Variants in AARS1 observed in about 807,000 individuals in gnomAD.
AARS1 encodes the protein alanyl-tRNA synthetase 1.
Under a neutral mutation model 108.9 loss-of-function variants are expected in AARS1, and 72 were observed. The ratio of observed to expected loss-of-function variants is 0.66; its 90% CI spans 0.55 to 0.80. The LOEUF (loss-of-function observed/expected upper bound fraction) is 0.80. AARS1 is among the 30% of genes least tolerant of loss of function. AARS1 has a pLI of 0.00. For missense variants in AARS1, 1,193 were observed against 1,233.2 expected, an observed-to-expected ratio of 0.97 and a Z score of 0.49; for synonymous variants, 489 against 465.7, an observed-to-expected ratio of 1.05 and a Z score of -0.64.
At position 70,268,340 on chromosome 16, in the gene AARS1, G is replaced by A. The variant is rs753317193; in HGVS notation, c.1002C>T (p.Tyr334=). The change falls in exon 8 of 21, where the codon TAC becomes TAT. Residue 334 remains tyrosine (Y), a synonymous_variant. Coordinates refer to ENST00000261772, the MANE Select transcript of AARS1 (RefSeq NM_001605.3). ...LRRILRRAVR[Y]AHEKLNASRG... is the part of the protein sequence containing the mutation. ...TGCTGGCATTGAGCTTTTCATGGGC[G>A]TATCGGACAGCTCGGCGGAGAATCC... 1.1e-5 allele frequency: 17 copies of A among 1,614,014 alleles called. No homozygotes were observed. The highest frequency in any genetic ancestry group is 4.5e-5 in the East Asian group (2 of 44,880).
chr16:70,278,100 T>C (rs1960594935), intron 2 of AARS1, among the ~76,000 whole-genome samples: 1 of 151,934 alleles, frequency 6.6e-6, no homozygotes, highest in Non-Finnish European at 1.5e-5. Flanking sequence ...AAAATTAGGC[T>C]GGGCAAGGTG....
Position 70,253,256 on chromosome 16 carries a change from G to C in AARS1, c.2721+12C>G. The C allele has an allele frequency of 6.3e-7, 1 of 1,590,286 alleles. No homozygotes were observed. The highest frequency in any genetic ancestry group is 1.3e-5 in the African/African-American group (1 of 74,450). The stretch of plus-strand genomic sequence containing the variant: ...GACCTAACACTTCCCACTGGTGCGA[G>C]GTGGTGCTGACCTGGGGAACTTGAC... On this transcript the variant is annotated intron_variant, in intron 20 of 20. Transcript: ENST00000261772.
At chr16:70,267,419 G>A (rs565220507) in intron 9 of AARS1, among the ~76,000 whole-genome samples, 10 of 152,294 alleles carry the variant, frequency 6.6e-5, no homozygotes, top group African/African-American at 2.2e-4. Flanking sequence ...AATGAGTGTG[G>A]AAAAGAGGAT....
chr16:70,274,442 A>G (rs1038653400), intron 4 of AARS1, among the ~76,000 whole-genome samples: 11 of 151,226 alleles, frequency 7.3e-5, no homozygotes, highest in Admixed American at 4.0e-4. Context: ...AAAGACAGAC[A>G]TGGCTGGGCA....
chr16:70,284,330 C>T (rs967002432), intron 1 of AARS1, among the ~76,000 whole-genome samples: 9 of 148,206 alleles, frequency 6.1e-5, no homozygotes, highest in African/African-American at 2.3e-4. Context: ...TGGCCGGGCG[C>T]GGTGGCTCAC....
chr16:70,286,008 A>G (rs905084914), intron 1 of AARS1, among the ~76,000 whole-genome samples: 1 of 152,214 alleles, frequency 6.6e-6, no homozygotes, highest in African/African-American at 2.4e-5. Context: ...CCAAGAATCA[A>G]AATGAATGAC....
rs769538984 is a variant in AARS1, at chr16:70,273,638, C to T, written c.480-1666G>A. Among the ~76,000 whole-genome samples the T allele has an allele frequency of 9.2e-5, 14 of 151,366 alleles. 1 individual carries two copies. Among genetic ancestry groups the T allele is most frequent in the Admixed American group, 2.0e-4 (3 of 15,172 alleles). On this transcript the variant is annotated intron_variant, in intron 4 of 20. Transcript: ENST00000261772. The stretch of plus-strand genomic sequence containing the variant: ...AGCACTTTGGGAGGCCAAGGCAGGC[C>T]GATCATGAGGTCATGAGATCGAGAC...
At chr16:70,269,833 T>C (rs1960354604) in intron 6 of AARS1, 70 bp from the exon 7 acceptor site, 2 of 1,593,918 alleles carry the variant, frequency 1.3e-6, no homozygotes, top group Non-Finnish European at 8.6e-7. Flanking sequence ...CCAAGGAGGT[T>C]CCTGGAGGAT....
intron 15 of AARS1, 75 bp downstream of exon 15, chr16:70,257,958 G>T: frequency 6.6e-7 from 1 of 1,524,180 alleles, no homozygotes; most frequent in Non-Finnish European, 9.1e-7. Context: ...GACAAGAGTT[G>T]GTCCAGCCTA....
intron 15 of AARS1, among the ~76,000 whole-genome samples, chr16:70,256,829 T>C (rs1960003321): frequency 6.6e-6 from 1 of 152,042 alleles, no homozygotes; most frequent in African/African-American, 2.4e-5. Flanking sequence ...AGAATGTTCT[T>C]TTCAGCCGGG....
chr16:70,254,805 C>T, intron 16 of AARS1, 71 bp from the exon 17 acceptor site: 3 of 1,050,838 alleles, frequency 2.9e-6, no homozygotes, highest in Middle Eastern at 2.3e-4. Context: ...GTCTGAGCAG[C>T]TGCGGAAGCC....
intron 9 of AARS1, among the ~76,000 whole-genome samples, chr16:70,266,900 G>T (rs1253849181): frequency 6.6e-6 from 1 of 152,078 alleles, no homozygotes; most frequent in East Asian, 1.9e-4. Context: ...GCAGTGGCAT[G>T]ATTTTGGCTC....
chr16:70,266,572 A>C (rs1214645874), intron 9 of AARS1, among the ~76,000 whole-genome samples: 2 of 151,196 alleles, frequency 1.3e-5, no homozygotes, highest in Admixed American at 6.6e-5. Flanking sequence ...CCCAGGCTGG[A>C]GTGTACTGGT....
chr16:70,256,985 CACACCTGT>C (rs778087572), intron 15 of AARS1, among the ~76,000 whole-genome samples: 8 of 152,040 alleles, frequency 5.3e-5, no homozygotes, highest in Non-Finnish European at 1.0e-4. Flanking sequence ...CACGGTGGCT[CACACCTGT>C]AATCCCAGCA....
intron 2 of AARS1, among the ~76,000 whole-genome samples, chr16:70,279,690 A>G (rs942358791): frequency 1.4e-5 from 2 of 144,638 alleles, no homozygotes; most frequent in Non-Finnish European, 3.1e-5. Flanking sequence ...AAAAAAAAGA[A>G]AAGTTTACAA....
At chr16:70,254,969 G>A (rs1465606134) in intron 16 of AARS1, among the ~76,000 whole-genome samples, 1 of 152,110 alleles carries the variant, frequency 6.6e-6, no homozygotes, top group African/African-American at 2.4e-5. Flanking sequence ...GATCAAGCTC[G>A]AGAATCAGGA....
At chr16:70,287,516 T>C (rs1225584854) in intron 1 of AARS1, among the ~76,000 whole-genome samples, 4 of 150,912 alleles carry the variant, frequency 2.7e-5, no homozygotes, top group African/African-American at 7.3e-5. Context: ...AACAGGAGGA[T>C]TGCTTGAGGC....
intron 9 of AARS1, 76 bp from the exon 10 acceptor site, chr16:70,265,738 G>A (rs1960246375): frequency 6.3e-7 from 1 of 1,585,026 alleles, no homozygotes. Context: ...AAAGGATGCT[G>A]GGACTGGCAG....
intron 11 of AARS1, among the ~76,000 whole-genome samples, chr16:70,263,221 G>C (rs1054017148): frequency 6.6e-6 from 1 of 151,948 alleles, no homozygotes; most frequent in African/African-American, 2.4e-5. Context: ...CCTAGTCCAA[G>C]GTCAACTCAC....
Sources: gnomAD v4.1 joint callset for allele counts (sites outside exome capture counted in the v4.1 genomes callset) on GRCh38, gnomAD v4.1.1 for gene constraint, MANE v1.5 for transcripts, NCBI Gene and HGNC (gene_info 2026-07-23, HGNC 2026-07-21) for gene names.